Variants in CACNG5 observed in about 807,000 individuals in gnomAD.
CACNG5 encodes the protein calcium voltage-gated channel auxiliary subunit gamma 5.
Under a neutral mutation model 24.8 loss-of-function variants are expected in CACNG5, and 18 were observed. That is an observed-to-expected ratio of 0.73 (90% CI 0.50 to 1.08). CACNG5 has a LOEUF of 1.08. CACNG5 is among the 50% of genes least tolerant of loss of function. The pLI, the probability that CACNG5 is intolerant of heterozygous loss-of-function variation, is 0.00. For synonymous variants in CACNG5, 157 were observed against 149.1 expected, an observed-to-expected ratio of 1.05 and a Z score of -0.39; for missense variants, 349 against 367.9, an observed-to-expected ratio of 0.95 and a Z score of 0.42.
In CACNG5 at chr17:66,873,984, T is replaced by A. The variant is rs369575919; in HGVS notation, c.-103-3246T>A. Among the ~76,000 whole-genome samples the A allele has an allele frequency of 4.6e-5, 7 of 151,362 alleles. No homozygotes were observed. The South Asian group carries it at 1.5e-3, about 32-fold the overall frequency. ...AACCAGAGTCACTTTTTCTAGAATA[T>A]TCCATGGAATTATTGCTCCATGGAC... On this transcript the variant is annotated intron_variant, in intron 1 of 5. Transcript: ENST00000533854.
At chr17:66,865,936 C>T (rs146126232) in intron 1 of CACNG5, among the ~76,000 whole-genome samples, 4 of 151,918 alleles carry the variant, frequency 2.6e-5, no homozygotes, top group African/African-American at 4.8e-5. Flanking sequence ...CCACCGCACC[C>T]GGCCAAGTCT....
intron 1 of CACNG5, among the ~76,000 whole-genome samples, chr17:66,849,273 G>A (rs2143041730): frequency 6.6e-6 from 1 of 151,962 alleles, no homozygotes; most frequent in South Asian, 2.1e-4. Flanking sequence ...GGGAGGGTGA[G>A]GAACACTCAT....
chr17:66,877,556 C>T (rs1019625762), intron 2 of CACNG5, 28 bp downstream of exon 2: 9 of 1,591,880 alleles, frequency 5.7e-6, no homozygotes, highest in Non-Finnish European at 6.0e-6. Flanking sequence ...TGGGGACAGC[C>T]CTGCCCCCTG....
At chr17:66,851,766 T>A (rs1289789867) in intron 1 of CACNG5, among the ~76,000 whole-genome samples, 1 of 152,198 alleles carries the variant, frequency 6.6e-6, no homozygotes, top group Non-Finnish European at 1.5e-5. Context: ...TGTGGGATAA[T>A]CATTATTTAA....
At position 66,885,142 on chromosome 17, in the gene CACNG5, T is replaced by A. The variant is rs1228045206; in HGVS notation, c.730T>A (p.Ser244Thr). The A allele has an allele frequency of 6.2e-7, 1 of 1,613,766 alleles. No homozygotes were observed. Among genetic ancestry groups the A allele is most frequent in the Non-Finnish European group, 8.5e-7 (1 of 1,179,968 alleles). The change falls in exon 6 of 6, where the codon TCC becomes ACC. Residue 244 changes from serine to threonine, a missense_variant. Coordinates refer to ENST00000533854, the MANE Select transcript of CACNG5 (RefSeq NM_145811.3). ...CGCCTGGGTCAGGGGCCGCAGCCCC[T>A]CCGACATCTCCAGCGAGGCCTCCCT... ...PDAWVRGRSP[S>T]DISSEASLQM... is the part of the protein sequence containing the mutation.
chr17:66,892,707 G>A lies in CACNG5; in HGVS notation c.*7467G>A, dbSNP rs572598341. ...ATACAACAATGTGTGTGAAAACACCGTGTAAACTGTAAAGTCCTCTTTGGA... is the reference window on the plus strand; with the variant it reads ...ATACAACAATGTGTGTGAAAACACCATGTAAACTGTAAAGTCCTCTTTGGA... On this transcript the variant is annotated 3_prime_UTR_variant, in exon 6 of 6. Transcript: ENST00000533854. 6.6e-5 allele frequency among the ~76,000 whole-genome samples: 10 copies of A among 152,308 alleles called. No individual in the cohort carries two copies. The highest frequency in any genetic ancestry group is 3.4e-3 in the Middle Eastern group (1 of 294).
rs77577259 is a variant in CACNG5 at position 66,837,290 on chromosome 17, T to C, written c.-104+2040T>C. 7.9e-5 allele frequency among the ~76,000 whole-genome samples: 12 copies of C among 152,280 alleles called. No individual in the cohort carries two copies. In the East Asian group the frequency reaches 2.1e-3, roughly 27 times the overall value. On this transcript the variant is annotated intron_variant, in intron 1 of 5. Transcript: ENST00000533854. ...GTGGGGGAAGAGGTGTGAATTTTAGTAGCAGGGTAGCTCACAGATTGAGCT... is the reference window on the plus strand; with the variant it reads ...GTGGGGGAAGAGGTGTGAATTTTAGCAGCAGGGTAGCTCACAGATTGAGCT...
At position 66,885,475 on chromosome 17, in the gene CACNG5, C is replaced by A. The variant is rs1161948883; in HGVS notation, c.*235C>A. On this transcript the variant is annotated 3_prime_UTR_variant, in exon 6 of 6. Coordinates refer to ENST00000533854, the MANE Select transcript of CACNG5 (RefSeq NM_145811.3). Reference sequence around the variant, plus strand: ...TGATTGTCTGGGAACATGGGAGAAGCCCCGCCCATGTGAGTGCCAATCACA... The same window carrying A: ...TGATTGTCTGGGAACATGGGAGAAGACCCGCCCATGTGAGTGCCAATCACA... 1.9e-6 allele frequency: 1 copy of A among 532,012 alleles called. No individual in the cohort carries two copies. The highest frequency in any genetic ancestry group is 3.3e-6 in the Non-Finnish European group (1 of 307,268). The allele number at this position is 532,012 out of a possible 1,614,324, so 33.0% of individuals were successfully genotyped here.
At chr17:66,871,969 T>G (rs530415964) in intron 1 of CACNG5, among the ~76,000 whole-genome samples, 25 of 152,236 alleles carry the variant, frequency 1.6e-4, no homozygotes, top group African/African-American at 2.4e-4. Context: ...GGAGTTTAGC[T>G]GGAGCCCTGC....
chr17:66,882,186 C>T (rs1273107520), intron 4 of CACNG5, among the ~76,000 whole-genome samples: 1 of 152,074 alleles, frequency 6.6e-6, no homozygotes, highest in Non-Finnish European at 1.5e-5. Context: ...GAGGTAAACT[C>T]AACAGAACTA....
intron 5 of CACNG5, 151 bp from the exon 6 acceptor site, chr17:66,884,832 G>T: frequency 6.2e-7 from 1 of 1,613,150 alleles, no homozygotes; most frequent in Non-Finnish European, 8.5e-7. Context: ...ACCTTTCTGG[G>T]TCTCCTCCGG....
intron 1 of CACNG5, among the ~76,000 whole-genome samples, chr17:66,872,729 G>T (rs1977026730): frequency 6.6e-6 from 1 of 152,126 alleles, no homozygotes; most frequent in African/African-American, 2.4e-5. Flanking sequence ...TATTAGTCCT[G>T]CCACCCCACT....
chr17:66,854,344 C>A lies in CACNG5; in HGVS notation c.-104+19094C>A, dbSNP rs9915438. 9.4e-3 allele frequency among the ~76,000 whole-genome samples: 1,421 copies of A among 151,318 alleles called. 27 individuals carry two copies. Among genetic ancestry groups the A allele is most frequent in the African/African-American group, 0.033 (1,337 of 41,116 alleles). On this transcript the variant is annotated intron_variant, in intron 1 of 5. Transcript: ENST00000533854. The stretch of plus-strand genomic sequence containing the variant: ...TTGGGAGGCTGAGGCAGGAGAATGG[C>A]GTGAACCTGGGAGGCAGAGTGCAGT...
At position 66,886,755 on chromosome 17, in the gene CACNG5, T is replaced by C. The variant is rs1312514970; in HGVS notation, c.*1515T>C. Among the ~76,000 whole-genome samples, 3 of 152,210 alleles carry C rather than the reference T, an allele frequency of 2.0e-5. No individual in the cohort carries two copies. The highest frequency in any genetic ancestry group is 2.9e-5 in the Non-Finnish European group (2 of 68,044). On this transcript the variant is annotated 3_prime_UTR_variant, in exon 6 of 6. Coordinates refer to ENST00000533854, the MANE Select transcript of CACNG5 (RefSeq NM_145811.3). ...GTGTCAGGCAGCCGGGCTGCCGCAATGAACTACCACAGACTGAGTGGCTTA... is the reference window on the plus strand; with the variant it reads ...GTGTCAGGCAGCCGGGCTGCCGCAACGAACTACCACAGACTGAGTGGCTTA...
intron 3 of CACNG5, 103 bp from the exon 4 acceptor site, chr17:66,880,454 T>G: frequency 6.9e-7 from 1 of 1,450,024 alleles, no homozygotes; most frequent in Non-Finnish European, 9.5e-7. Flanking sequence ...GGTGGGGCTT[T>G]GAGGACCAGT....
At chr17:66,857,109 AC>A (rs1160766324) in intron 1 of CACNG5, among the ~76,000 whole-genome samples, 2 of 115,016 alleles carry the variant, frequency 1.7e-5, no homozygotes, top group African/African-American at 7.1e-5. Context: ...TCACTCTGTC[AC>A]CCAGGCTGGA....
At position 66,889,983 on chromosome 17, in the gene CACNG5, C is replaced by G. The variant is rs1161851904; in HGVS notation, c.*4743C>G. 1.3e-5 allele frequency among the ~76,000 whole-genome samples: 2 copies of G among 152,202 alleles called. No individual in the cohort carries two copies. Among genetic ancestry groups the G allele is most frequent in the Non-Finnish European group, 2.9e-5 (2 of 68,044 alleles). ...GCCTGAGCAAATTGGCACCTGGGCT[C>G]TGTTCCTTCACCAGCTGCCTGGATT... On this transcript the variant is annotated 3_prime_UTR_variant, in exon 6 of 6. Transcript: ENST00000533854.
intron 1 of CACNG5, among the ~76,000 whole-genome samples, chr17:66,853,396 G>A (rs548279336): frequency 1.4e-4 from 21 of 152,268 alleles, no homozygotes; most frequent in Admixed American, 7.2e-4. Context: ...GCAAGAGCAT[G>A]TTTGACTTTA....
intron 2 of CACNG5, among the ~76,000 whole-genome samples, 190 bp from the exon 3 acceptor site, chr17:66,878,782 A>G (rs1977118837): frequency 6.6e-6 from 1 of 152,174 alleles, no homozygotes; most frequent in South Asian, 2.1e-4. Flanking sequence ...TTGTCATGTC[A>G]GGACGTGCCT....
Sources: allele counts gnomAD v4.1 joint callset (sites outside exome capture counted in the v4.1 genomes callset), GRCh38; gene constraint gnomAD v4.1.1; transcripts MANE v1.5; gene names NCBI Gene and HGNC (gene_info 2026-07-23, HGNC 2026-07-21).